Variants in NMNAT2 observed in about 807,000 individuals in gnomAD.
The protein encoded by NMNAT2 is nicotinamide nucleotide adenylyltransferase 2, also known as nicotinamide/nicotinic acid mononucleotide adenylyltransferase 2.
NMNAT2 carries 11 observed loss-of-function variants against 41.6 expected under a neutral mutation model. The ratio of observed to expected loss-of-function variants is 0.26; its 90% CI spans 0.17 to 0.44. The LOEUF (loss-of-function observed/expected upper bound fraction) is 0.44, where lower values mean the gene tolerates loss of function less well. Ranked by LOEUF, NMNAT2 falls within the 20% of genes least tolerant of loss-of-function variation. The pLI, the probability that NMNAT2 is intolerant of heterozygous loss-of-function variation, is 1.00. For missense variants in NMNAT2, 288 were observed against 407.7 expected, an observed-to-expected ratio of 0.71 and a Z score of 2.53; for synonymous variants, 148 against 151.2, an observed-to-expected ratio of 0.98 and a Z score of 0.16.
chr1:183,342,281 A>G (rs1440196210), intron 1 of NMNAT2, among the ~76,000 whole-genome samples: 1 of 152,124 alleles, frequency 6.6e-6, no homozygotes, highest in Non-Finnish European at 1.5e-5. Flanking sequence ...GCTTGAGACC[A>G]GGGATTCAAG....
Position 183,318,793 on chromosome 1 carries a change from G to C in NMNAT2, c.86-25000C>G, listed in dbSNP as rs1662304490. On this transcript the variant is annotated intron_variant, in intron 1 of 10. Coordinates refer to ENST00000287713, the MANE Select transcript of NMNAT2 (RefSeq NM_015039.4). ...CCCTAAAATCCGATACAGGAGCAGAGGTTTGGGGCCTGGGAGCCTGGGGCA... is the reference window on the plus strand; with the variant it reads ...CCCTAAAATCCGATACAGGAGCAGACGTTTGGGGCCTGGGAGCCTGGGGCA... Among the ~76,000 whole-genome samples, 4 of 152,224 alleles carry C rather than the reference G, an allele frequency of 2.6e-5. No homozygotes were observed. In the South Asian group the frequency reaches 8.3e-4, roughly 32 times the overall value.
At chr1:183,297,206 C>A (rs1661725346) in intron 1 of NMNAT2, among the ~76,000 whole-genome samples, 1 of 151,500 alleles carries the variant, frequency 6.6e-6, no homozygotes, top group Admixed American at 6.6e-5. Flanking sequence ...CAGTGCAGTC[C>A]AAGGGACCTG....
At chr1:183,290,307 G>T in intron 3 of NMNAT2, 101 bp from the exon 4 acceptor site, 1 of 867,160 alleles carries the variant, frequency 1.2e-6, no homozygotes. Context: ...GGCAGATCTG[G>T]CCATACCATG....
chr1:183,416,024 C>T (rs1649241493), intron 1 of NMNAT2, among the ~76,000 whole-genome samples: 1 of 152,100 alleles, frequency 6.6e-6, no homozygotes, highest in African/African-American at 2.4e-5. Flanking sequence ...AGTAAATAAT[C>T]GTTACTGCCA....
At chr1:183,367,438 A>G (rs1265701473) in intron 1 of NMNAT2, among the ~76,000 whole-genome samples, 2 of 152,228 alleles carry the variant, frequency 1.3e-5, no homozygotes, top group Non-Finnish European at 2.9e-5. Flanking sequence ...AGCCTGGGCA[A>G]CAAGCGCAAA....
chr1:183,261,159 G>A, intron 9 of NMNAT2, 43 bp downstream of exon 9: 1 of 1,605,702 alleles, frequency 6.2e-7, no homozygotes, highest in South Asian at 1.1e-5. Context: ...GACTCTCAGA[G>A]AAGGGCCATA....
chr1:183,325,437 G>C (rs938054949), intron 1 of NMNAT2, among the ~76,000 whole-genome samples: 3 of 152,170 alleles, frequency 2.0e-5, no homozygotes, highest in African/African-American at 7.2e-5. Flanking sequence ...TGAAAAGATG[G>C]AAAAATGAGA....
chr1:183,403,337 C>A (rs770948624), intron 1 of NMNAT2, among the ~76,000 whole-genome samples: 1 of 152,020 alleles, frequency 6.6e-6, no homozygotes. Flanking sequence ...AATGTTTAAT[C>A]GCAATAGCCT....
intron 1 of NMNAT2, among the ~76,000 whole-genome samples, chr1:183,400,492 G>A (rs1648778011): frequency 6.6e-6 from 1 of 152,152 alleles, no homozygotes; most frequent in East Asian, 1.9e-4. Flanking sequence ...TACTGCCCAA[G>A]GTAATTTATA....
chr1:183,403,450 C>CA (rs1648872938), intron 1 of NMNAT2, among the ~76,000 whole-genome samples: 11 of 146,214 alleles, frequency 7.5e-5, no homozygotes, highest in African/African-American at 1.8e-4. Flanking sequence ...ACCCCCCCCC[C>CA]CAAAAAAAAT....
intron 1 of NMNAT2, among the ~76,000 whole-genome samples, chr1:183,346,400 C>T (rs932852821): frequency 1.3e-5 from 2 of 152,210 alleles, no homozygotes; most frequent in Non-Finnish European, 2.9e-5. Flanking sequence ...TCTGCTCTTA[C>T]TGCCCTCTGC....
At chr1:183,395,123 C>T (rs1422829557) in intron 1 of NMNAT2, among the ~76,000 whole-genome samples, 1 of 152,124 alleles carries the variant, frequency 6.6e-6, no homozygotes. Flanking sequence ...TCCCATTTAT[C>T]CATCACTTAC....
At chr1:183,330,900 TC>T (rs1662568131) in intron 1 of NMNAT2, among the ~76,000 whole-genome samples, 1 of 152,130 alleles carries the variant, frequency 6.6e-6, no homozygotes, top group Admixed American at 6.5e-5. Context: ...GAGCTCCCAG[TC>T]CCTGTGTAAA....
At chr1:183,329,429 C>A (rs1233133643) in intron 1 of NMNAT2, among the ~76,000 whole-genome samples, 1 of 152,144 alleles carries the variant, frequency 6.6e-6, no homozygotes, top group African/African-American at 2.4e-5. Context: ...AGTGTACATT[C>A]CTCCAAGTCA....
At chr1:183,401,428 A>T (rs1648804774) in intron 1 of NMNAT2, among the ~76,000 whole-genome samples, 3 of 152,320 alleles carry the variant, frequency 2.0e-5, no homozygotes, top group Non-Finnish European at 4.4e-5. Flanking sequence ...GGTGCTGGAG[A>T]GGATGTGGAG....
At chr1:183,268,539 T>C (rs1660880049) in intron 8 of NMNAT2, among the ~76,000 whole-genome samples, 1 of 152,190 alleles carries the variant, frequency 6.6e-6, no homozygotes. Flanking sequence ...TTGGGTCATA[T>C]CCCATGGGGG....
intron 1 of NMNAT2, among the ~76,000 whole-genome samples, chr1:183,308,919 G>A (rs1044116065): frequency 6.6e-6 from 1 of 152,242 alleles, no homozygotes; most frequent in Non-Finnish European, 1.5e-5. Flanking sequence ...CATGGCTGCA[G>A]CGCTGGGAAA....
intron 7 of NMNAT2, among the ~76,000 whole-genome samples, chr1:183,280,637 C>T (rs566917412): frequency 1.2e-4 from 18 of 152,126 alleles, no homozygotes; most frequent in South Asian, 4.2e-4. Context: ...ATCTGCCCAC[C>T]GTGGCCTCCC....
intron 10 of NMNAT2, among the ~76,000 whole-genome samples, chr1:183,257,692 A>G (rs1660554498): frequency 6.6e-6 from 1 of 151,504 alleles, no homozygotes; most frequent in Non-Finnish European, 1.5e-5. Context: ...GATCCATCTT[A>G]TTTCTGAGAC....
Sources: allele counts gnomAD v4.1 joint callset (sites outside exome capture counted in the v4.1 genomes callset), GRCh38; gene constraint gnomAD v4.1.1; transcripts MANE v1.5; gene names NCBI Gene and HGNC (gene_info 2026-07-23, HGNC 2026-07-21).